The following NTNG1 variants were observed in gnomAD, a reference collection of about 807,000 sequenced individuals.
The protein encoded by NTNG1 is netrin-G1.
NTNG1 carries 16 observed loss-of-function variants against 54.0 expected under a neutral mutation model. That is an observed-to-expected ratio of 0.30 (90% CI 0.20 to 0.45). The LOEUF is 0.45. Among genes scored for constraint, NTNG1 ranks in the 20% least tolerant of loss-of-function variants. The pLI is 1.00. For missense variants in NTNG1, 530 were observed against 678.7 expected (o/e 0.78, Z 2.43); for synonymous variants, 255 against 263.1 (o/e 0.97, Z 0.30).
In NTNG1 at chr1:107,483,984, C is replaced by G. The variant is rs1015442916; in HGVS notation, c.*3144C>G. 7.2e-5 allele frequency among the ~76,000 whole-genome samples: 11 copies of G among 152,194 alleles called. No individual in the cohort carries two copies. The highest frequency in any genetic ancestry group is 2.6e-4 in the Admixed American group (4 of 15,278). On this transcript the variant is annotated 3_prime_UTR_variant, in exon 8 of 8. Transcript: ENST00000370068. ...GCTTAGAGAGACCCATTCTGACTCTCCTCCAGCTTTCTCCCAGATATCAGG... is the reference window on the plus strand; with the variant it reads ...GCTTAGAGAGACCCATTCTGACTCTGCTCCAGCTTTCTCCCAGATATCAGG...
intron 1 of NTNG1, among the ~76,000 whole-genome samples, chr1:107,147,798 G>A (rs1654238017): frequency 6.6e-6 from 1 of 152,128 alleles, no homozygotes; most frequent in African/African-American, 2.4e-5. Flanking sequence ...GTTTTGTCAA[G>A]ATGGAAATAT....
chr1:107,220,946 A>G (rs904251896), intron 2 of NTNG1, among the ~76,000 whole-genome samples: 1 of 151,926 alleles, frequency 6.6e-6, no homozygotes, highest in Non-Finnish European at 1.5e-5. Context: ...TTTTTACTTA[A>G]TTAAACTTTT....
intron 2 of NTNG1, among the ~76,000 whole-genome samples, chr1:107,252,094 A>G (rs529412385): frequency 6.6e-6 from 1 of 152,166 alleles, no homozygotes; most frequent in Non-Finnish European, 1.5e-5. Flanking sequence ...TCTGCATCAG[A>G]CGTTGTGAAC....
chr1:107,237,845 C>A (rs1259176951), intron 2 of NTNG1, among the ~76,000 whole-genome samples: 1 of 152,190 alleles, frequency 6.6e-6, no homozygotes, highest in African/African-American at 2.4e-5. Context: ...CACCTGAATG[C>A]CCAGCCAAAA....
intron 2 of NTNG1, among the ~76,000 whole-genome samples, chr1:107,303,775 C>T (rs1666476857): frequency 6.6e-6 from 1 of 152,124 alleles, no homozygotes; most frequent in Non-Finnish European, 1.5e-5. Context: ...CAACCTCCGC[C>T]TCCCAGGTTC....
chr1:107,299,559 TCTGA>T (rs1450020806), intron 2 of NTNG1, among the ~76,000 whole-genome samples: 2 of 152,288 alleles, frequency 1.3e-5, no homozygotes, highest in Non-Finnish European at 2.9e-5. Flanking sequence ...GGGTAAGTAC[TCTGA>T]CTATCTTTAC....
At chr1:107,274,233 A>C (rs4579786) in intron 2 of NTNG1, among the ~76,000 whole-genome samples, 32,901 of 152,158 alleles carry the variant, frequency 0.22, 6,082 homozygotes, top group African/African-American at 0.51. Flanking sequence ...TCTGGGAAAA[A>C]AAGTAACATG....
chr1:107,278,916 T>C (rs751617751), intron 2 of NTNG1, among the ~76,000 whole-genome samples: 4 of 152,140 alleles, frequency 2.6e-5, no homozygotes, highest in Non-Finnish European at 5.9e-5. Context: ...ACTGATCATC[T>C]CAGTTATTCT....
intron 2 of NTNG1, among the ~76,000 whole-genome samples, chr1:107,270,209 A>AT (rs566833552): frequency 5.7e-4 from 87 of 152,212 alleles, no homozygotes; most frequent in African/African-American, 1.9e-3. Flanking sequence ...TTTTCTTAGC[A>AT]TTTTTTTGAC....
At chr1:107,151,645 C>G (rs1384065156) in intron 2 of NTNG1, among the ~76,000 whole-genome samples, 1 of 152,150 alleles carries the variant, frequency 6.6e-6, no homozygotes, top group African/African-American at 2.4e-5. Context: ...CTATAATTCC[C>G]AGGGCCAATT....
chr1:107,165,357 T>G (rs891873529), intron 2 of NTNG1, among the ~76,000 whole-genome samples: 5 of 152,310 alleles, frequency 3.3e-5, no homozygotes, highest in Middle Eastern at 6.8e-3. Flanking sequence ...ACTTTATTAT[T>G]AAAATTCCTA....
intron 2 of NTNG1, among the ~76,000 whole-genome samples, chr1:107,235,993 G>A (rs1661385727): frequency 6.6e-6 from 1 of 152,160 alleles, no homozygotes; most frequent in South Asian, 2.1e-4. Flanking sequence ...AGCTGAAAAA[G>A]CTGTAAGACA....
chr1:107,437,581 G>T (rs555088617), intron 7 of NTNG1, among the ~76,000 whole-genome samples: 15 of 152,218 alleles, frequency 9.9e-5, no homozygotes, highest in African/African-American at 3.1e-4. Flanking sequence ...AGCACCACAA[G>T]ACATATCCTG....
chr1:107,393,625 C>T (rs1259638033), intron 3 of NTNG1, among the ~76,000 whole-genome samples: 1 of 151,876 alleles, frequency 6.6e-6, no homozygotes, highest in Admixed American at 6.6e-5. Flanking sequence ...CCCGAGAAAG[C>T]TGTAGCTTGG....
chr1:107,426,544 A>T (rs910804420), intron 5 of NTNG1, among the ~76,000 whole-genome samples: 11 of 152,122 alleles, frequency 7.2e-5, no homozygotes, highest in African/African-American at 2.4e-4. Context: ...TTTTTGTACC[A>T]GTACCATGCT....
chr1:107,312,896 T>C lies in NTNG1; in HGVS notation c.247-11386T>C, dbSNP rs536810513. On this transcript the variant is annotated intron_variant, in intron 2 of 7. Coordinates refer to ENST00000370068, the MANE Select transcript of NTNG1 (RefSeq NM_001113226.3). ...TGCATACAATAGAAATACCTTTTTT[T>C]TTCCTGAGCCATTTGACTGTAAGTT... Among the ~76,000 whole-genome samples, 10 of 152,328 alleles carry C rather than the reference T, an allele frequency of 6.6e-5. No individual in the cohort carries two copies. The South Asian group carries it at 1.7e-3, about 25-fold the overall frequency.
At chr1:107,392,978 A>G (rs1425127207) in intron 3 of NTNG1, among the ~76,000 whole-genome samples, 3 of 152,184 alleles carry the variant, frequency 2.0e-5, no homozygotes, top group Non-Finnish European at 2.9e-5. Context: ...GCTGAGAATG[A>G]GCCATTAATT....
chr1:107,304,312 T>A (rs1557883986), intron 2 of NTNG1, among the ~76,000 whole-genome samples: 1 of 152,150 alleles, frequency 6.6e-6, no homozygotes, highest in South Asian at 2.1e-4. Flanking sequence ...AGTACACACA[T>A]TCAACTATCT....
intron 3 of NTNG1, among the ~76,000 whole-genome samples, chr1:107,392,987 T>C (rs1026592579): frequency 6.6e-6 from 1 of 152,172 alleles, no homozygotes; most frequent in East Asian, 1.9e-4. Context: ...GAGCCATTAA[T>C]TGGAAGAAAT....
Sources: allele counts gnomAD v4.1 joint callset (sites outside exome capture counted in the v4.1 genomes callset), GRCh38; gene constraint gnomAD v4.1.1; transcripts MANE v1.5; gene names NCBI Gene and HGNC (gene_info 2026-07-23, HGNC 2026-07-21).